Variants in COL21A1 observed in about 807,000 individuals in gnomAD.
COL21A1 encodes the protein collagen alpha-1(XXI) chain.
Under a neutral mutation model 137.9 loss-of-function variants are expected in COL21A1, and 149 were observed. That is an observed-to-expected ratio of 1.08 (90% CI 0.95 to 1.24). The LOEUF is 1.24. Among genes scored for constraint, COL21A1 ranks in the 50% most tolerant of loss-of-function variants. The probability of loss-of-function intolerance (pLI) is 0.00; values close to 1 mark genes in which losing one functional copy is unlikely to be tolerated. For missense variants in COL21A1, 1,167 were observed against 1,158.4 expected (o/e 1.01, Z -0.11); for synonymous variants, 456 against 391.5 (o/e 1.16, Z -1.95).
intron 1 of COL21A1, among the ~76,000 whole-genome samples, chr6:56,292,068 C>T (rs1270748689): frequency 6.6e-6 from 1 of 152,050 alleles, no homozygotes; most frequent in Non-Finnish European, 1.5e-5. Flanking sequence ...ACTCGGGAGG[C>T]TGAGGCAGGA....
rs774711115 is a variant in COL21A1 at position 56,179,839 on chromosome 6, G to C, written c.379C>G (p.Leu127Val). The stretch of plus-strand genomic sequence containing the variant: ...AGAAATCGTGAGGACTTGGCAAAAA[G>C]GTAATCGAGCGCAAACTGGATGGCC... The part of the protein sequence containing the change: ...GKAIQFALDY[L>V]FAKSSRFLTK... Residue 127 changes from leucine (L) to valine (V), a missense_variant, in exon 3 of 30, where the codon CTT (leucine) becomes GTT (valine). Transcript: ENST00000244728. The C allele has an allele frequency of 6.8e-6, 11 of 1,613,930 alleles. 1 individual carries two copies. In the South Asian group the frequency reaches 1.1e-4, roughly 16 times the overall value.
chr6:56,227,796 AC>A (rs1319998376), intron 1 of COL21A1, among the ~76,000 whole-genome samples: 1 of 152,036 alleles, frequency 6.6e-6, no homozygotes, highest in Non-Finnish European at 1.5e-5. Context: ...TAACTACAAT[AC>A]AATAATAGAG....
At chr6:56,292,055 G>A (rs1007784818) in intron 1 of COL21A1, among the ~76,000 whole-genome samples, 1 of 152,114 alleles carries the variant, frequency 6.6e-6, no homozygotes, top group Non-Finnish European at 1.5e-5. Flanking sequence ...TGTAATCTGA[G>A]CTACTCGGGA....
At chr6:56,371,300 C>T (rs972493711) in intron 1 of COL21A1, among the ~76,000 whole-genome samples, 3 of 152,168 alleles carry the variant, frequency 2.0e-5, no homozygotes, top group Non-Finnish European at 4.4e-5. Context: ...TACATTTGTA[C>T]ACTGGGATAG....
intron 3 of COL21A1, among the ~76,000 whole-genome samples, chr6:56,174,826 T>C (rs1365681062): frequency 6.6e-6 from 1 of 152,050 alleles, no homozygotes; most frequent in African/African-American, 2.4e-5. Flanking sequence ...ATTAACCTGA[T>C]ACCAAAGCCA....
At chr6:56,243,233 C>T (rs1782449082) in intron 1 of COL21A1, among the ~76,000 whole-genome samples, 1 of 152,152 alleles carries the variant, frequency 6.6e-6, no homozygotes, top group Non-Finnish European at 1.5e-5. Context: ...TTCAAACATT[C>T]TAACACAGAA....
chr6:56,254,541 CAG>C (rs1431526916), intron 1 of COL21A1, among the ~76,000 whole-genome samples: 1 of 152,124 alleles, frequency 6.6e-6, no homozygotes, highest in African/African-American at 2.4e-5. Context: ...GGATCAATAA[CAG>C]AATTAAATTT....
At chr6:56,307,726 G>A (rs552360361) in intron 1 of COL21A1, among the ~76,000 whole-genome samples, 32 of 152,168 alleles carry the variant, frequency 2.1e-4, no homozygotes, top group South Asian at 4.1e-4. Flanking sequence ...CTGCACCCAC[G>A]GTCCTGCACC....
At chr6:56,387,229 A>T (rs1340549010) in intron 1 of COL21A1, among the ~76,000 whole-genome samples, 1 of 149,588 alleles carries the variant, frequency 6.7e-6, no homozygotes, top group African/African-American at 2.6e-5. Context: ...AAACCATGTT[A>T]GCCTCTAAAT....
intron 1 of COL21A1, among the ~76,000 whole-genome samples, chr6:56,229,089 G>A (rs1413635487): frequency 2.0e-5 from 3 of 151,878 alleles, no homozygotes; most frequent in Non-Finnish European, 2.9e-5. Flanking sequence ...TAAAGGATAT[G>A]CATTATTTTG....
chr6:56,071,250 G>A (rs1766728485), intron 20 of COL21A1, among the ~76,000 whole-genome samples: 1 of 151,660 alleles, frequency 6.6e-6, no homozygotes, highest in African/African-American at 2.4e-5. Flanking sequence ...TTTTGAAGAA[G>A]TGTGAATCAG....
Position 56,139,257 on chromosome 6 carries a change from G to A in COL21A1, c.1542+2528C>T, listed in dbSNP as rs1582460981. On this transcript the variant is annotated intron_variant, in intron 12 of 29. Coordinates refer to ENST00000244728, the MANE Select transcript of COL21A1 (RefSeq NM_030820.4). ...TCATCACTATCATCACCAATTTATAGCATTTAATTTAGGCCAACCACATGC... is the reference window on the plus strand; with the variant it reads ...TCATCACTATCATCACCAATTTATAACATTTAATTTAGGCCAACCACATGC... Among the ~76,000 whole-genome samples, 8 of 152,200 alleles carry A rather than the reference G, an allele frequency of 5.3e-5. 1 individual carries two copies.
At chr6:56,134,850 G>T (rs1239474096) in intron 12 of COL21A1, among the ~76,000 whole-genome samples, 1 of 152,082 alleles carries the variant, frequency 6.6e-6, no homozygotes, top group East Asian at 1.9e-4. Context: ...CACCATGATT[G>T]TGAGGCCCCC....
chr6:56,338,908 G>C (rs1765398462), intron 1 of COL21A1, among the ~76,000 whole-genome samples: 2 of 152,150 alleles, frequency 1.3e-5, no homozygotes, highest in African/African-American at 4.8e-5. Context: ...GGCAGAAGCA[G>C]CTCACATGCT....
intron 1 of COL21A1, among the ~76,000 whole-genome samples, chr6:56,186,598 A>T (rs1778323317): frequency 6.6e-6 from 1 of 152,226 alleles, no homozygotes; most frequent in Admixed American, 6.5e-5. Context: ...ATCTACATAG[A>T]AAGTGGAATC....
chr6:56,220,381 A>G (rs1780755136), intron 1 of COL21A1, among the ~76,000 whole-genome samples: 1 of 152,188 alleles, frequency 6.6e-6, no homozygotes, highest in Non-Finnish European at 1.5e-5. Flanking sequence ...GTTTGCAAAA[A>G]AGTTAGTCAT....
chr6:56,258,835 A>C (rs1461862353), intron 1 of COL21A1, among the ~76,000 whole-genome samples: 1 of 152,244 alleles, frequency 6.6e-6, no homozygotes, highest in Non-Finnish European at 1.5e-5. Flanking sequence ...AGCGTTTCTC[A>C]AATGTGTTTC....
chr6:56,115,029 T>C (rs1177515842), intron 16 of COL21A1, among the ~76,000 whole-genome samples: 3 of 152,074 alleles, frequency 2.0e-5, no homozygotes, highest in Non-Finnish European at 4.4e-5. Flanking sequence ...GAAATCATCA[T>C]TCTCAGTAAA....
intron 1 of COL21A1, among the ~76,000 whole-genome samples, chr6:56,346,319 A>G (rs960104493): frequency 2.0e-5 from 3 of 152,100 alleles, no homozygotes; most frequent in African/African-American, 7.2e-5. Context: ...TATTCCTCAA[A>G]TTTATTTGGT....
Sources: allele counts gnomAD v4.1 joint callset (sites outside exome capture counted in the v4.1 genomes callset), GRCh38; gene constraint gnomAD v4.1.1; transcripts MANE v1.5; gene names NCBI Gene and HGNC (gene_info 2026-07-23, HGNC 2026-07-21).